Variants in VWDE observed in about 807,000 individuals in gnomAD.
VWDE encodes von Willebrand factor D and EGF domain-containing protein.
Under a neutral mutation model 178.4 loss-of-function variants are expected in VWDE, and 207 were observed. The ratio of observed to expected loss-of-function variants is 1.16; its 90% CI spans 1.04 to 1.30. The LOEUF (loss-of-function observed/expected upper bound fraction) is 1.30, where lower values mean the gene tolerates loss of function less well. Ranked by LOEUF, VWDE falls within the 50% of genes most tolerant of loss-of-function variation. The probability of loss-of-function intolerance (pLI) is 0.00; values close to 1 mark genes in which losing one functional copy is unlikely to be tolerated. For missense variants in VWDE, 2,287 were observed against 1,901.3 expected (o/e 1.20, Z -3.77); for synonymous variants, 738 against 651.4 (o/e 1.13, Z -2.02).
intron 10 of VWDE, 74 bp from the exon 11 acceptor site, chr7:12,370,938 A>G: frequency 8.6e-7 from 1 of 1,156,998 alleles, no homozygotes; most frequent in Non-Finnish European, 1.2e-6. Context: ...AAAATCTATT[A>G]TTTAAAAAAT....
chr7:12,337,014 C>T lies in VWDE; in HGVS notation c.4532G>A (p.Gly1511Asp). Reference protein sequence around the residue: ...VGPSTCSCPSGWSGKRCNTPI... With the variant: ...VGPSTCSCPSDWSGKRCNTPI... ...TGTGTTGCATCGTTTCCCACTCCAA[C>T]CAGAAGGACAAGAGCAAGTGCTTGG... The change falls in exon 26 of 29, where the codon GGT becomes GAT. Residue 1511 changes from glycine to aspartate, a missense_variant. Physicochemically the swap from Gly to Asp is moderately conservative, Grantham distance 94. Coordinates refer to ENST00000275358, the MANE Select transcript of VWDE (RefSeq NM_001135924.3). The T allele has an allele frequency of 3.2e-6, 5 of 1,551,460 alleles. No individual in the cohort carries two copies. The highest frequency in any genetic ancestry group is 4.4e-6 in the Non-Finnish European group (5 of 1,146,856).
At chr7:12,386,517 G>A (rs1784107427) in intron 3 of VWDE, among the ~76,000 whole-genome samples, 1 of 152,140 alleles carries the variant, frequency 6.6e-6, no homozygotes, top group South Asian at 2.1e-4. Flanking sequence ...ATCTTGTTAT[G>A]TTCTCCCTCA....
In VWDE at chr7:12,347,490, T is replaced by C. The variant is rs151105103; in HGVS notation, c.3887-3021A>G. 9.4e-3 allele frequency among the ~76,000 whole-genome samples: 1,429 copies of C among 152,104 alleles called. 18 individuals are homozygous for C. Among genetic ancestry groups the C allele is most frequent in the Non-Finnish European group, 0.013 (887 of 67,974 alleles). On this transcript the variant is annotated intron_variant, in intron 19 of 28. Transcript: ENST00000275358. ...GATATTGGCCTTACAGATACTAAAA[T>C]GTAGTATAAAGCCACACTAATCAAA...
At position 12,335,506 on chromosome 7, in the gene VWDE, A is replaced by T. The variant is rs147063266; in HGVS notation, c.4654+635T>A. 6.8e-3 allele frequency among the ~76,000 whole-genome samples: 1,037 copies of T among 151,822 alleles called. 22 individuals are homozygous for T. Among genetic ancestry groups the T allele is most frequent in the African/African-American group, 0.024 (973 of 41,398 alleles). ...AGTCTCGCTCTGTCGCCCAGGCCGGAGTGCAGTGGCGCGATCTCTGCTCAC... is the reference window on the plus strand; with the variant it reads ...AGTCTCGCTCTGTCGCCCAGGCCGGTGTGCAGTGGCGCGATCTCTGCTCAC... On this transcript the variant is annotated intron_variant, in intron 27 of 28. Transcript: ENST00000275358.
chr7:12,339,071 C>A (rs7800823), intron 24 of VWDE, among the ~76,000 whole-genome samples: 44,119 of 151,544 alleles, frequency 0.29, 8,932 homozygotes, highest in African/African-American at 0.58. Flanking sequence ...GCCAGAAAGT[C>A]TGAGGCATGG....
chr7:12,398,835 T>G (rs1421651906), intron 1 of VWDE, among the ~76,000 whole-genome samples: 1 of 152,028 alleles, frequency 6.6e-6, no homozygotes, highest in Non-Finnish European at 1.5e-5. Flanking sequence ...AAGGGCAAGC[T>G]AAACATTGGG....
intron 19 of VWDE, among the ~76,000 whole-genome samples, chr7:12,350,227 A>G (rs1781852672): frequency 6.6e-6 from 1 of 152,048 alleles, no homozygotes; most frequent in South Asian, 2.1e-4. Flanking sequence ...TTATGGAAAA[A>G]TATATCAGGA....
At chr7:12,352,380 T>C (rs1781992541) in intron 18 of VWDE, among the ~76,000 whole-genome samples, 1 of 152,202 alleles carries the variant, frequency 6.6e-6, no homozygotes, top group Non-Finnish European at 1.5e-5. Flanking sequence ...CTGGTACCTA[T>C]CATAAAACTA....
intron 3 of VWDE, among the ~76,000 whole-genome samples, chr7:12,384,874 G>A (rs929879914): frequency 7.9e-5 from 12 of 152,040 alleles, no homozygotes; most frequent in African/African-American, 2.4e-5. Context: ...TAAAAGACAC[G>A]AAGTTGGAAG....
intron 28 of VWDE, 84 bp downstream of exon 28, chr7:12,333,380 AC>A: frequency 7.6e-6 from 6 of 787,378 alleles, no homozygotes; most frequent in Non-Finnish European, 1.2e-5. Flanking sequence ...TAATAAAAAA[AC>A]ATTAATTAGT....
At chr7:12,372,254 T>C (rs1783249345) in intron 10 of VWDE, among the ~76,000 whole-genome samples, 1 of 152,054 alleles carries the variant, frequency 6.6e-6, no homozygotes, top group Non-Finnish European at 1.5e-5. Context: ...ATCTGACCTG[T>C]TTTATACGTA....
intron 24 of VWDE, among the ~76,000 whole-genome samples, chr7:12,338,010 T>C (rs1320074046): frequency 6.6e-6 from 1 of 152,124 alleles, no homozygotes; most frequent in Non-Finnish European, 1.5e-5. Context: ...TAAAATTTAA[T>C]TTCTTCCTAA....
chr7:12,338,413 C>T (rs1781150485), intron 24 of VWDE, among the ~76,000 whole-genome samples: 1 of 151,778 alleles, frequency 6.6e-6, no homozygotes, highest in African/African-American at 2.4e-5. Flanking sequence ...AATATATATT[C>T]TTTCTACTAC....
At chr7:12,402,237 G>A (rs1035321061) in intron 1 of VWDE, among the ~76,000 whole-genome samples, 5 of 152,116 alleles carry the variant, frequency 3.3e-5, no homozygotes, top group Admixed American at 3.3e-4. Flanking sequence ...TGTGGTCATC[G>A]CTGCATATAC....
chr7:12,374,965 C>T, intron 8 of VWDE, 45 bp downstream of exon 8: 1 of 1,502,890 alleles, frequency 6.7e-7, no homozygotes, highest in South Asian at 1.2e-5. Flanking sequence ...ATACACATTT[C>T]TTCTTAAAGC....
intron 2 of VWDE, among the ~76,000 whole-genome samples, chr7:12,392,568 G>C (rs998194760): frequency 2.6e-5 from 4 of 152,162 alleles, no homozygotes; most frequent in African/African-American, 9.7e-5. Context: ...AAGTAGAATT[G>C]TCAATAGAAA....
chr7:12,357,314 G>A lies in VWDE; in HGVS notation c.3476C>T (p.Thr1159Ile). 17 of 1,552,234 alleles carry A rather than the reference G, an allele frequency of 1.1e-5. No homozygotes were observed. The highest frequency in any genetic ancestry group is 1.4e-5 in the Non-Finnish European group (16 of 1,147,118). The part of the protein sequence containing the change: ...KTDLLTTQQI[T>I]VRLNDDCDAE... ...ATCGCAGTCATCATTAAGGCGTACA[G>A]TAATTTGTTGGGTAGTTAGTAAATC... Residue 1159 changes from threonine (T) to isoleucine (I), a missense_variant, in exon 17 of 29, where the codon ACT (threonine) becomes ATT (isoleucine). By Grantham distance (89) the Thr-to-Ile change is moderately conservative (BLOSUM62 -1). Coordinates refer to ENST00000275358, the MANE Select transcript of VWDE (RefSeq NM_001135924.3).
At chr7:12,333,395 AAT>A in intron 28 of VWDE, 68 bp downstream of exon 28, 1 of 869,744 alleles carries the variant, frequency 1.1e-6, no homozygotes, top group Non-Finnish European at 1.7e-6. Context: ...AATTAGTAAC[AAT>A]TACTAAGTAG....
Position 12,383,516 on chromosome 7 carries a change from A to T in VWDE, c.541+20T>A, listed in dbSNP as rs1783956006. ...CTAGTTTATAAAAACACTATTAAAA[A>T]AGCAAAATATGATACTTACGAACAC... On this transcript the variant is annotated intron_variant, in intron 4 of 28. Coordinates refer to ENST00000275358, the MANE Select transcript of VWDE (RefSeq NM_001135924.3). The T allele has an allele frequency of 1.6e-5, 25 of 1,547,888 alleles. No individual in the cohort carries two copies. The South Asian group carries it at 2.7e-4, about 17-fold the overall frequency.
Sources: gnomAD v4.1 joint callset for allele counts (sites outside exome capture counted in the v4.1 genomes callset) on GRCh38, gnomAD v4.1.1 for gene constraint, MANE v1.5 for transcripts, NCBI Gene and HGNC (gene_info 2026-07-23, HGNC 2026-07-21) for gene names.